The following LRRC9 variants were observed in gnomAD, a reference collection of about 807,000 sequenced individuals.
LRRC9 encodes leucine-rich repeat-containing protein 9.
LRRC9 carries 122 observed loss-of-function variants against 63.2 expected under a neutral mutation model. The ratio of observed to expected loss-of-function variants is 1.93; its 90% CI spans 1.67 to 2.24. The LOEUF is 2.24. LRRC9 is among the 30% of genes most tolerant of loss of function. The pLI, the probability that LRRC9 is intolerant of heterozygous loss-of-function variation, is 0.00. For missense variants in LRRC9, 1,071 were observed against 627.7 expected, an observed-to-expected ratio of 1.71 and a Z score of -7.55; for synonymous variants, 366 against 213.1, an observed-to-expected ratio of 1.72 and a Z score of -6.25.
intron 13 of LRRC9, among the ~76,000 whole-genome samples, chr14:59,975,587 T>C (rs1886183579): frequency 6.6e-6 from 1 of 152,160 alleles, no homozygotes; most frequent in African/African-American, 2.4e-5. Flanking sequence ...CATTCTTTAG[T>C]TCCACAAGTA....
chr14:59,991,248 T>A (rs2140147372), intron 17 of LRRC9, among the ~76,000 whole-genome samples: 1 of 152,316 alleles, frequency 6.6e-6, no homozygotes, highest in Admixed American at 6.5e-5. Flanking sequence ...TGTACTAAAA[T>A]GGACAATTTC....
At chr14:59,999,001 T>C (rs1161068475) in intron 18 of LRRC9, 100 bp from the exon 19 acceptor site, 1 of 510,902 alleles carries the variant, frequency 2.0e-6, no homozygotes, top group East Asian at 3.0e-5. Context: ...AACAAGGAAA[T>C]GTATGATTTT....
At chr14:60,006,713 T>C in intron 22 of LRRC9, 96 bp downstream of exon 22, 2 of 525,490 alleles carry the variant, frequency 3.8e-6, no homozygotes, top group Non-Finnish European at 6.6e-6. Flanking sequence ...ATTTGGAAAA[T>C]ATAAAGAAAA....
chr14:60,053,900 G>T lies in LRRC9; in HGVS notation c.4131+695G>T. 2.2e-6 allele frequency: 1 copy of T among 455,068 alleles called. No individual in the cohort carries two copies. Among genetic ancestry groups the T allele is most frequent in the Non-Finnish European group, 4.4e-6 (1 of 226,424 alleles). 28.2% of individuals were successfully genotyped at this position (455,068 alleles called of 1,614,324 possible). A position where few individuals can be genotyped will look rare whatever the true frequency, so the allele number is the denominator to read the frequency against. On this transcript the variant is annotated intron_variant, in intron 30 of 31. Coordinates refer to ENST00000445360, the Ensembl canonical transcript of LRRC9. The surrounding 1 kb of genome is among the most constrained non-coding windows in gnomAD (Gnocchi z 4.8). Reference sequence around the variant, plus strand: ...AGAAGTAACATTATTAGAATGCTGTGGTTTGAGAAAAAAAGAGGCTGGAGG... The same window carrying T: ...AGAAGTAACATTATTAGAATGCTGTTGTTTGAGAAAAAAAGAGGCTGGAGG...
At chr14:59,965,603 G>A (rs1424456278) in intron 10 of LRRC9, among the ~76,000 whole-genome samples, 1 of 151,932 alleles carries the variant, frequency 6.6e-6, no homozygotes, top group Non-Finnish European at 1.5e-5. Flanking sequence ...TTAGATACTG[G>A]GGCCGGGCGC....
intron 21 of LRRC9, among the ~76,000 whole-genome samples, chr14:60,005,753 C>G (rs1889755580): frequency 6.6e-6 from 1 of 152,098 alleles, no homozygotes; most frequent in South Asian, 2.1e-4. Context: ...AGAGGTTACA[C>G]AATTTATGTA....
At position 59,927,941 on chromosome 14, in the gene LRRC9, A is replaced by T. The variant is rs1402276057; in HGVS notation, c.-3A>T. ...ATATTATGATCACTGTTTTTAATGG[A>T]AGATGATTGAAAGTGAAAACCTAAA... On this transcript the variant is annotated 5_prime_UTR_variant, in exon 2 of 32. Transcript: ENST00000445360. This position sits in a 1 kb window ranked among gnomAD's most constrained non-coding sequence, Gnocchi z 4.4. 1.5e-6 allele frequency: 1 copy of T among 677,870 alleles called. No individual in the cohort carries two copies. 42.0% of individuals were successfully genotyped at this position (677,870 alleles called of 1,614,324 possible).
intron 17 of LRRC9, among the ~76,000 whole-genome samples, chr14:59,991,785 G>A (rs912798573): frequency 6.6e-5 from 2 of 30,224 alleles, no homozygotes; most frequent in Non-Finnish European, 2.8e-4. Flanking sequence ...GCCCGCCATT[G>A]CCCAGGCTTC....
intron 26 of LRRC9, among the ~76,000 whole-genome samples, chr14:60,019,876 T>C (rs530297295): frequency 1.6e-4 from 24 of 151,492 alleles, no homozygotes; most frequent in African/African-American, 5.3e-4. Context: ...ATATATATGA[T>C]ATATATATTT....
At chr14:60,007,995 G>T in intron 22 of LRRC9, 97 bp from the exon 23 acceptor site, 1 of 460,408 alleles carries the variant, frequency 2.2e-6, no homozygotes, top group Non-Finnish European at 3.8e-6. Flanking sequence ...CCCATGGAAT[G>T]ATAGATAATT....
rs1055012662 is a variant in LRRC9, at chr14:59,923,524, A to G, written c.-34+3641A>G. 6.6e-6 allele frequency among the ~76,000 whole-genome samples: 1 copy of G among 152,228 alleles called. No individual in the cohort carries two copies. Among genetic ancestry groups the G allele is most frequent in the African/African-American group, 2.4e-5 (1 of 41,456 alleles). On this transcript the variant is annotated intron_variant, in intron 1 of 31. Transcript: ENST00000445360. This position sits in a 1 kb window ranked among gnomAD's most constrained non-coding sequence, Gnocchi z 4.2. ...CCAAAATCCCAACTGCATTTTTTAA[A>G]ACTAAATACAAAATAATCCTAAATT... is the stretch of plus-strand genomic sequence containing the variant.
chr14:60,008,527 G>C (rs219371), intron 23 of LRRC9, among the ~76,000 whole-genome samples: 113,361 of 152,050 alleles, frequency 0.75, 44,433 homozygotes, highest in Non-Finnish European at 0.87. Context: ...TGGGGATTTA[G>C]CATCCTCCTA....
Position 59,999,079 on chromosome 14 carries a change from T to A in LRRC9, c.2404-22T>A, listed in dbSNP as rs192265443. On this transcript the variant is annotated intron_variant, in intron 18 of 31. Coordinates refer to ENST00000445360, the Ensembl canonical transcript of LRRC9. ...AACATATTTAACAGTTTATAAAAAATTTTTTTTTTGTTTTTCCCAAGCCAG... is the reference window on the plus strand; with the variant it reads ...AACATATTTAACAGTTTATAAAAAAATTTTTTTTTGTTTTTCCCAAGCCAG... The A allele has an allele frequency of 1.8e-3, 927 of 524,972 alleles. 4 individuals are homozygous for A. The highest frequency in any genetic ancestry group is 7.3e-3 in the East Asian group (221 of 30,456). 32.5% of individuals were successfully genotyped at this position (524,972 alleles called of 1,614,324 possible). A position where few individuals can be genotyped will look rare whatever the true frequency, so the allele number is the denominator to read the frequency against.
intron 16 of LRRC9, among the ~76,000 whole-genome samples, chr14:59,983,690 G>A (rs1887174395): frequency 6.6e-6 from 1 of 152,188 alleles, no homozygotes; most frequent in African/African-American, 2.4e-5. Context: ...GGGTAAAGAT[G>A]TAGGTTGGAA....
exon 19 of LRRC9, chr14:59,999,164 T>C (rs1222952276): frequency 4.3e-6 from 3 of 701,248 alleles, no homozygotes; most frequent in Non-Finnish European, 7.8e-6. Context: ...AAATGGAGTC[T>C]TCATTTCTGA....
At position 59,962,716 on chromosome 14, in the gene LRRC9, T is replaced by C. The variant is rs1458482355; in HGVS notation, c.1211+1671T>C. Among the ~76,000 whole-genome samples, 1 of 152,088 alleles carries C rather than the reference T, an allele frequency of 6.6e-6. No homozygotes were observed. The highest frequency in any genetic ancestry group is 1.9e-4 in the East Asian group (1 of 5,198). On this transcript the variant is annotated intron_variant, in intron 10 of 31. Transcript: ENST00000445360. The surrounding 1 kb of genome is among the most constrained non-coding windows in gnomAD (Gnocchi z 5.1). ...CTGTGCCCAGCTCCAAACAGGATTT[T>C]TAAAAATTATTTGTTTCTTTTTAAA...
At chr14:59,982,043 G>A (rs199739720) in exon 16 of LRRC9, 13 of 700,976 alleles carry the variant, frequency 1.9e-5, no homozygotes, top group South Asian at 3.0e-5. Flanking sequence ...AAAGACTAGC[G>A]TTTACAGTCA....
At chr14:60,018,523 C>G (rs540909961) in intron 25 of LRRC9, 44 bp downstream of exon 25, 12 of 641,984 alleles carry the variant, frequency 1.9e-5, no homozygotes, top group Non-Finnish European at 3.1e-5. Flanking sequence ...GTTTCCAATG[C>G]AAATTATTCT....
At chr14:59,931,317 G>T (rs770337549) in intron 4 of LRRC9, among the ~76,000 whole-genome samples, 1 of 152,036 alleles carries the variant, frequency 6.6e-6, no homozygotes, top group East Asian at 1.9e-4. Flanking sequence ...ATAAAAAGAG[G>T]TTTAGATAAG....
Sources: gnomAD v4.1 joint callset for allele counts (sites outside exome capture counted in the v4.1 genomes callset) on GRCh38, gnomAD v4.1.1 for gene constraint, Gnocchi (gnomAD v3.1) non-coding constraint, MANE v1.5 for transcripts, NCBI Gene and HGNC (gene_info 2026-07-23, HGNC 2026-07-21) for gene names.